Variants in ARHGAP32 observed in about 807,000 individuals in gnomAD.
ARHGAP32 encodes Rho GTPase activating protein 32.
Under a neutral mutation model 186.5 loss-of-function variants are expected in ARHGAP32, and 51 were observed. The observed-to-expected ratio is 0.27, with a 90% CI of 0.22 to 0.35. The LOEUF (loss-of-function observed/expected upper bound fraction) is 0.35. Among genes scored for constraint, ARHGAP32 ranks in the 10% least tolerant of loss-of-function variants. The probability of loss-of-function intolerance (pLI) is 1.00; values close to 1 mark genes in which losing one functional copy is unlikely to be tolerated. For missense variants in ARHGAP32, 2,186 were observed against 2,623.5 expected (o/e 0.83, Z 3.64); for synonymous variants, 950 against 964.3 (o/e 0.99, Z 0.27).
At chr11:129,041,704 T>C (rs1166262990) in intron 10 of ARHGAP32, among the ~76,000 whole-genome samples, 4 of 152,204 alleles carry the variant, frequency 2.6e-5, no homozygotes, top group African/African-American at 9.6e-5. Flanking sequence ...GCATTGCTTT[T>C]GGCATTGTAA....
intron 6 of ARHGAP32, among the ~76,000 whole-genome samples, chr11:129,084,637 A>G (rs545783463): frequency 6.6e-6 from 1 of 152,174 alleles, no homozygotes; most frequent in East Asian, 1.9e-4. Flanking sequence ...TCAGCAAACC[A>G]GAAATAAAGG....
chr11:129,057,806 T>A (rs1940314956), intron 10 of ARHGAP32, among the ~76,000 whole-genome samples: 1 of 151,620 alleles, frequency 6.6e-6, no homozygotes, highest in African/African-American at 2.4e-5. Context: ...TTTAAAGAGG[T>A]AATTAGGTTA....
chr11:129,013,363 G>A (rs1490788898), intron 11 of ARHGAP32, among the ~76,000 whole-genome samples: 2 of 152,180 alleles, frequency 1.3e-5, no homozygotes, highest in South Asian at 2.1e-4. Context: ...AGTGGGAGGG[G>A]TGGATATGGT....
chr11:129,022,896 G>C (rs772533757), intron 11 of ARHGAP32, among the ~76,000 whole-genome samples: 1 of 151,948 alleles, frequency 6.6e-6, no homozygotes, highest in South Asian at 2.1e-4. Flanking sequence ...ATGCCATATA[G>C]CATTCTTTTT....
At chr11:129,106,436 C>T (rs530043041) in intron 5 of ARHGAP32, among the ~76,000 whole-genome samples, 1 of 152,164 alleles carries the variant, frequency 6.6e-6, no homozygotes, top group South Asian at 2.1e-4. Context: ...AAACTAAATA[C>T]CAGACGTTCT....
At chr11:129,009,080 C>A (rs1463945111) in intron 11 of ARHGAP32, among the ~76,000 whole-genome samples, 1 of 152,082 alleles carries the variant, frequency 6.6e-6, no homozygotes, top group Non-Finnish European at 1.5e-5. Flanking sequence ...TAACATTATA[C>A]AATAATTTGG....
intron 6 of ARHGAP32, among the ~76,000 whole-genome samples, chr11:129,085,115 C>CTAGG (rs899080286): frequency 8.6e-5 from 13 of 152,022 alleles, no homozygotes; most frequent in African/African-American, 3.1e-4. Flanking sequence ...CCTCAATGTA[C>CTAGG]TAGGCTTAAG....
Position 128,974,330 on chromosome 11 carries a change from C to T in ARHGAP32, c.2867G>A (p.Cys956Tyr). The T allele has an allele frequency of 1.2e-6, 2 of 1,614,192 alleles. No individual in the cohort carries two copies. The highest frequency in any genetic ancestry group is 1.1e-5 in the South Asian group (1 of 91,088). ...QNASSSTWDK[C>Y]VEERDATNRS... ...ATTTGTGGCATCCCTTTCTTCAACG[C>T]ATTTGTCCCAGGTTGAAGATGATGC... Residue 956 changes from cysteine to tyrosine, a missense_variant, in exon 21 of 23, where the codon TGC becomes TAC. Coordinates refer to ENST00000682385, the MANE Select transcript of ARHGAP32 (RefSeq NM_001378024.1).
chr11:129,224,768 C>CAAAAAAAAAAAAAAAAAAAAAAAA (rs57944399), intron 1 of ARHGAP32, among the ~76,000 whole-genome samples: 1 of 104,298 alleles, frequency 9.6e-6, no homozygotes. Context: ...TTGGCTAGAG[C>CAAAAAAAAAAAAAAAAAAAAAAAA]AAAAAAAAAA....
chr11:129,097,978 T>C (rs935549970), intron 5 of ARHGAP32, among the ~76,000 whole-genome samples: 15 of 152,276 alleles, frequency 9.9e-5, no homozygotes, highest in Middle Eastern at 6.8e-3. Context: ...AGATTTCTCA[T>C]TAGAAACTTT....
chr11:129,262,558 A>AT (rs1440733649), intron 1 of ARHGAP32, among the ~76,000 whole-genome samples: 8 of 151,380 alleles, frequency 5.3e-5, no homozygotes, highest in Admixed American at 3.3e-4. Context: ...TAATTTTTGT[A>AT]TTTTTTTTAG....
intron 1 of ARHGAP32, among the ~76,000 whole-genome samples, chr11:129,241,593 C>T (rs1369454809): frequency 1.3e-5 from 2 of 151,978 alleles, no homozygotes; most frequent in Non-Finnish European, 2.9e-5. Flanking sequence ...TGCAGTGAGA[C>T]GTGATGACAC....
At chr11:129,066,028 T>C (rs566346489) in intron 7 of ARHGAP32, among the ~76,000 whole-genome samples, 17 of 152,262 alleles carry the variant, frequency 1.1e-4, no homozygotes, top group South Asian at 2.1e-4. Flanking sequence ...CTGATTTTAG[T>C]TTATTTAAAT....
Position 129,056,068 on chromosome 11 carries a change from C to CAG in ARHGAP32, c.963+6210_963+6211dup, listed in dbSNP as rs150841598. Reference sequence around the variant, plus strand: ...GCTCCTTAGACCACTCTTCTAGAAACAGTGCTCAGTCAGTGCTGTAGGTAA... The same window carrying CAG: ...GCTCCTTAGACCACTCTTCTAGAAACAGAGTGCTCAGTCAGTGCTGTAGGTAA... On this transcript the variant is annotated intron_variant, in intron 10 of 22. Transcript: ENST00000682385. 5.8e-3 allele frequency among the ~76,000 whole-genome samples: 889 copies of CAG among 152,238 alleles called. 4 individuals carry two copies. Among genetic ancestry groups the CAG allele is most frequent in the Non-Finnish European group, 9.0e-3 (614 of 68,022 alleles).
chr11:129,107,922 T>C (rs1942095256), intron 5 of ARHGAP32, among the ~76,000 whole-genome samples: 1 of 147,746 alleles, frequency 6.8e-6, no homozygotes, highest in South Asian at 2.1e-4. Context: ...TGAAGTTAAG[T>C]TGGCATAAAT....
At chr11:129,059,876 A>C (rs1940420277) in intron 10 of ARHGAP32, among the ~76,000 whole-genome samples, 1 of 151,912 alleles carries the variant, frequency 6.6e-6, no homozygotes, top group Non-Finnish European at 1.5e-5. Context: ...CCACATCAAT[A>C]CCTCTTCTCA....
chr11:129,181,719 T>C (rs1944057554), intron 1 of ARHGAP32, among the ~76,000 whole-genome samples: 1 of 152,156 alleles, frequency 6.6e-6, no homozygotes, highest in African/African-American at 2.4e-5. Flanking sequence ...TGAAGCCAGT[T>C]GGAATTCAGT....
At chr11:129,162,483 A>G (rs1437525877) in intron 2 of ARHGAP32, among the ~76,000 whole-genome samples, 1 of 152,170 alleles carries the variant, frequency 6.6e-6, no homozygotes, top group African/African-American at 2.4e-5. Flanking sequence ...GTGTGAAATG[A>G]CTGAAGAATT....
At chr11:129,031,431 T>C (rs1183995055) in intron 11 of ARHGAP32, among the ~76,000 whole-genome samples, 1 of 152,190 alleles carries the variant, frequency 6.6e-6, no homozygotes, top group Non-Finnish European at 1.5e-5. Context: ...GAACCCAAGG[T>C]TGCCTGAGCT....
Sources: allele counts gnomAD v4.1 joint callset (sites outside exome capture counted in the v4.1 genomes callset), GRCh38; gene constraint gnomAD v4.1.1; transcripts MANE v1.5; gene names NCBI Gene and HGNC (gene_info 2026-07-23, HGNC 2026-07-21).